AKAP13: variants seen among roughly 807,000 people sequenced by gnomAD.
The protein encoded by AKAP13 is A-kinase anchoring protein 13, also known as A-kinase anchor protein 13.
AKAP13 carries 80 observed loss-of-function variants against 264.5 expected under a neutral mutation model. The observed-to-expected ratio is 0.30, with a 90% CI of 0.25 to 0.36. The LOEUF (loss-of-function observed/expected upper bound fraction) is 0.36. Ranked by LOEUF, AKAP13 falls within the 10% of genes least tolerant of loss-of-function variation. AKAP13 has a pLI of 1.00. For synonymous variants in AKAP13, 1,380 were observed against 1,250.2 expected (o/e 1.10, Z -2.19); for missense variants, 3,712 against 3,435.2 (o/e 1.08, Z -2.01).
At chr15:85,405,436 G>C (rs1323152471) in intron 1 of AKAP13, among the ~76,000 whole-genome samples, 2 of 152,222 alleles carry the variant, frequency 1.3e-5, no homozygotes, top group Non-Finnish European at 2.9e-5. Flanking sequence ...GACCGGGTAA[G>C]TTATTTGAAT....
At chr15:85,594,122 A>G (rs1330643791) in intron 8 of AKAP13, among the ~76,000 whole-genome samples, 1 of 152,224 alleles carries the variant, frequency 6.6e-6, no homozygotes, top group Non-Finnish European at 1.5e-5. Context: ...GATTTTAGAT[A>G]ATGATTTTTA....
intron 8 of AKAP13, among the ~76,000 whole-genome samples, chr15:85,586,799 G>T (rs1049932009): frequency 3.3e-5 from 5 of 151,840 alleles, no homozygotes; most frequent in Non-Finnish European, 7.4e-5. Flanking sequence ...GTGGTGGCAG[G>T]TGCCTGTAAT....
At chr15:85,607,576 T>C (rs1295682839) in intron 8 of AKAP13, among the ~76,000 whole-genome samples, 1 of 152,216 alleles carries the variant, frequency 6.6e-6, no homozygotes, top group Non-Finnish European at 1.5e-5. Context: ...TTCATGCTTT[T>C]AACCACGATG....
intron 5 of AKAP13, chr15:85,555,539 T>G (rs2078112638): frequency 4.3e-6 from 5 of 1,167,762 alleles, no homozygotes; most frequent in Non-Finnish European, 5.7e-6. Flanking sequence ...TCATTGTTTA[T>G]TCTCTGACAT....
chr15:85,658,962 A>G (rs903635499), intron 12 of AKAP13, among the ~76,000 whole-genome samples: 2 of 151,832 alleles, frequency 1.3e-5, no homozygotes, highest in African/African-American at 2.4e-5. Context: ...TTTCTTTTCC[A>G]CAAAAGAAAA....
intron 11 of AKAP13, among the ~76,000 whole-genome samples, chr15:85,657,513 T>C (rs1010242243): frequency 1.3e-5 from 2 of 152,162 alleles, no homozygotes; most frequent in Non-Finnish European, 2.9e-5. Flanking sequence ...CTGGTGCAGG[T>C]AGTTTGCATC....
intron 1 of AKAP13, among the ~76,000 whole-genome samples, chr15:85,483,639 A>C (rs2075421930): frequency 1.6e-5 from 2 of 122,224 alleles, no homozygotes; most frequent in African/African-American, 2.7e-5. Context: ...TCTCAAAAAA[A>C]AAAAAAAAAA....
At chr15:85,598,881 A>G (rs2079934199) in intron 8 of AKAP13, among the ~76,000 whole-genome samples, 1 of 152,232 alleles carries the variant, frequency 6.6e-6, no homozygotes, top group African/African-American at 2.4e-5. Flanking sequence ...TTCCCTGTTG[A>G]CAGCATTGCT....
chr15:85,478,164 A>G (rs146925063), intron 1 of AKAP13, among the ~76,000 whole-genome samples: 25 of 152,368 alleles, frequency 1.6e-4, no homozygotes, highest in African/African-American at 6.0e-4. Flanking sequence ...CTAAAGTGGT[A>G]GGAACCACAT....
chr15:85,669,355 C>T (rs966346883), intron 13 of AKAP13, among the ~76,000 whole-genome samples: 1 of 152,044 alleles, frequency 6.6e-6, no homozygotes, highest in Non-Finnish European at 1.5e-5. Context: ...TTTGATATTT[C>T]CAGTGAAATT....
chr15:85,704,698 C>CAAAT (rs1278452852), intron 17 of AKAP13, among the ~76,000 whole-genome samples: 2 of 152,104 alleles, frequency 1.3e-5, no homozygotes, highest in African/African-American at 2.4e-5. Flanking sequence ...GGAAATCTAT[C>CAAAT]AAATAAATAA....
intron 10 of AKAP13, among the ~76,000 whole-genome samples, chr15:85,650,920 C>T (rs969887473): frequency 6.6e-6 from 1 of 151,662 alleles, no homozygotes; most frequent in Non-Finnish European, 1.5e-5. Context: ...AAATGGTTGG[C>T]ATGTGTTAGG....
At chr15:85,479,622 A>G (rs906745469) in intron 1 of AKAP13, among the ~76,000 whole-genome samples, 1 of 152,168 alleles carries the variant, frequency 6.6e-6, no homozygotes, top group Non-Finnish European at 1.5e-5. Context: ...GTTGAGAGTG[A>G]CAAAAACCCT....
At chr15:85,448,541 T>C (rs2073975343) in intron 1 of AKAP13, among the ~76,000 whole-genome samples, 1 of 152,186 alleles carries the variant, frequency 6.6e-6, no homozygotes, top group Non-Finnish European at 1.5e-5. Flanking sequence ...TTAATTTTTA[T>C]ACAGAATGTA....
In AKAP13 at chr15:85,521,482, G is replaced by A. The variant is rs757388189; in HGVS notation, c.88G>A (p.Val30Ile). 1.4e-5 allele frequency: 23 copies of A among 1,614,044 alleles called. No individual in the cohort carries two copies. The highest frequency in any genetic ancestry group is 8.3e-5 in the Admixed American group (5 of 60,004). The part of the protein sequence containing the change: ...LAEEDKAEDD[V>I]VFYLVFLGST... ...TGAAGAGGACAAAGCTGAAGATGAT[G>A]TAGTGTTTTACTTGGTATTTTTGGG... The change falls in exon 3 of 37, where the codon GTA becomes ATA. Residue 30 changes from valine (V) to isoleucine (I), a missense_variant. Coordinates refer to ENST00000394518, the MANE Select transcript of AKAP13 (RefSeq NM_007200.5).
intron 2 of AKAP13, among the ~76,000 whole-genome samples, chr15:85,504,248 G>A (rs1043683695): frequency 2.0e-5 from 3 of 152,108 alleles, no homozygotes; most frequent in Non-Finnish European, 2.9e-5. Flanking sequence ...CAAAGTAGCC[G>A]AGTATAATCT....
At chr15:85,478,380 G>A (rs2075246169) in intron 1 of AKAP13, among the ~76,000 whole-genome samples, 1 of 152,130 alleles carries the variant, frequency 6.6e-6, no homozygotes, top group Non-Finnish European at 1.5e-5. Flanking sequence ...TTATAAGGAT[G>A]TCAGAGTTCT....
chr15:85,616,473 G>T (rs183678180), intron 8 of AKAP13, among the ~76,000 whole-genome samples: 1 of 152,160 alleles, frequency 6.6e-6, no homozygotes, highest in Non-Finnish European at 1.5e-5. Context: ...TAAAAGCACT[G>T]GTTGTTTTTA....
intron 1 of AKAP13, among the ~76,000 whole-genome samples, chr15:85,440,069 A>T (rs942638647): frequency 3.3e-5 from 5 of 152,178 alleles, no homozygotes; most frequent in African/African-American, 9.6e-5. Flanking sequence ...AGAACACCTA[A>T]CAAAGCTTTC....
Sources: gnomAD v4.1 joint callset for allele counts (sites outside exome capture counted in the v4.1 genomes callset) on GRCh38, gnomAD v4.1.1 for gene constraint, MANE v1.5 for transcripts, NCBI Gene and HGNC (gene_info 2026-07-23, HGNC 2026-07-21) for gene names.